Variants in KCNN2 observed in about 807,000 individuals in gnomAD.
KCNN2 encodes the protein small conductance calcium-activated potassium channel protein 2.
KCNN2 carries 24 observed loss-of-function variants against 55.5 expected under a neutral mutation model. The observed-to-expected ratio is 0.43, with a 90% CI of 0.31 to 0.61. KCNN2 has a LOEUF of 0.61. KCNN2 is among the 20% of genes least tolerant of loss of function. The probability of loss-of-function intolerance (pLI) is 0.08; values close to 1 mark genes in which losing one functional copy is unlikely to be tolerated. For synonymous variants in KCNN2, 431 were observed against 336.1 expected (o/e 1.28, Z -3.09); for missense variants, 754 against 853.6 (o/e 0.88, Z 1.45).
In KCNN2 at chr5:114,449,919, C is replaced by T. The variant is rs571632917; in HGVS notation, c.1638-13130C>T. ...ACACACACACACACACGCGCGCGCT[C>T]GCGTGCGCGCACTCTTCCCTTAGAA... is the stretch of plus-strand genomic sequence containing the variant. On this transcript the variant is annotated intron_variant, in intron 3 of 7. Transcript: ENST00000673685. Among the ~76,000 whole-genome samples, 876 of 150,684 alleles carry T rather than the reference C, an allele frequency of 5.8e-3. 5 individuals are homozygous for T. Among genetic ancestry groups the T allele is most frequent in the African/African-American group, 0.02 (837 of 41,100 alleles).
chr5:114,397,722 A>G (rs1043873065), intron 2 of KCNN2, among the ~76,000 whole-genome samples: 1 of 152,164 alleles, frequency 6.6e-6, no homozygotes, highest in Non-Finnish European at 1.5e-5. Flanking sequence ...AATAATAGCC[A>G]TTCTAACTGG....
At chr5:114,258,288 A>G (rs1755025153) in intron 2 of KCNN2, among the ~76,000 whole-genome samples, 1 of 152,102 alleles carries the variant, frequency 6.6e-6, no homozygotes, top group Non-Finnish European at 1.5e-5. Flanking sequence ...CTTCAGTGAT[A>G]TTACTCTGTA....
chr5:114,128,474 G>T (rs1217091961), intron 1 of KCNN2, among the ~76,000 whole-genome samples: 1 of 152,142 alleles, frequency 6.6e-6, no homozygotes, highest in East Asian at 1.9e-4. Context: ...CTAGTCTCTC[G>T]CATGACATGT....
intron 1 of KCNN2, among the ~76,000 whole-genome samples, chr5:114,120,951 T>C (rs1025862474): frequency 6.6e-6 from 1 of 152,238 alleles, no homozygotes; most frequent in Non-Finnish European, 1.5e-5. Flanking sequence ...CCCTTAGACC[T>C]GGGCAAATGG....
At chr5:114,348,163 C>A (rs190260490) in intron 2 of KCNN2, among the ~76,000 whole-genome samples, 130 of 151,842 alleles carry the variant, frequency 8.6e-4, no homozygotes, top group Non-Finnish European at 1.4e-3. Flanking sequence ...CCAAAAACCT[C>A]TACAAAAGGC....
chr5:114,404,056 ATT>A (rs1435675920), intron 2 of KCNN2, among the ~76,000 whole-genome samples: 1 of 152,212 alleles, frequency 6.6e-6, no homozygotes, highest in East Asian at 1.9e-4. Flanking sequence ...TATAGTTAGA[ATT>A]GTGTAAGGCT....
At chr5:114,366,402 C>T (rs1193755686) in intron 2 of KCNN2, among the ~76,000 whole-genome samples, 1 of 152,112 alleles carries the variant, frequency 6.6e-6, no homozygotes, top group African/African-American at 2.4e-5. Context: ...TGGGTCATGT[C>T]ATTTAATTAA....
intron 2 of KCNN2, among the ~76,000 whole-genome samples, chr5:114,371,819 A>T (rs1290431084): frequency 6.6e-6 from 1 of 152,166 alleles, no homozygotes; most frequent in East Asian, 1.9e-4. Flanking sequence ...CAAATGAGAA[A>T]GTCAGAAACA....
intron 1 of KCNN2, among the ~76,000 whole-genome samples, chr5:114,131,147 C>T (rs1299030194): frequency 6.6e-6 from 1 of 151,796 alleles, no homozygotes; most frequent in Non-Finnish European, 1.5e-5. Flanking sequence ...ATTTTAAGTT[C>T]TGGGGTACAT....
intron 2 of KCNN2, among the ~76,000 whole-genome samples, chr5:114,310,856 A>C (rs1180393481): frequency 6.6e-6 from 1 of 152,174 alleles, no homozygotes; most frequent in African/African-American, 2.4e-5. Context: ...TGTTTTTAAA[A>C]AGCAAAACTC....
chr5:114,487,037 GTTCTCTTAA>G lies in KCNN2; in HGVS notation c.1891-12_1891-4del, dbSNP rs1561415469. Reference sequence around the variant, plus strand: ...CTGGAATTTATCAACTGCTTTGTTTGTTCTCTTAACAGGTAAAAAATGCAGCTGCCAATG... The same window carrying G: ...CTGGAATTTATCAACTGCTTTGTTTGCAGGTAAAAAATGCAGCTGCCAATG... On this transcript the variant is annotated splice_polypyrimidine_tract_variant and splice_region_variant and intron_variant, in intron 5 of 7. Coordinates refer to ENST00000673685, the MANE Select transcript of KCNN2 (RefSeq NM_021614.4). 1 of 1,612,406 alleles carries G rather than the reference GTTCTCTTAA, an allele frequency of 6.2e-7. No individual in the cohort carries two copies. Among genetic ancestry groups the G allele is most frequent in the Admixed American group, 1.7e-5 (1 of 59,860 alleles).
chr5:114,489,429 T>A (rs1005026295), intron 6 of KCNN2, among the ~76,000 whole-genome samples: 4 of 152,142 alleles, frequency 2.6e-5, no homozygotes, highest in African/African-American at 9.7e-5. Flanking sequence ...CTTAGCATAT[T>A]GTGTTTGGAT....
intron 1 of KCNN2, among the ~76,000 whole-genome samples, chr5:114,080,634 C>A (rs1156603126): frequency 6.6e-6 from 1 of 152,002 alleles, no homozygotes; most frequent in Non-Finnish European, 1.5e-5. Context: ...CATTCAAAAC[C>A]ATTCCATGAT....
intron 2 of KCNN2, among the ~76,000 whole-genome samples, chr5:114,368,061 T>C (rs1303192913): frequency 2.0e-5 from 3 of 152,000 alleles, no homozygotes; most frequent in African/African-American, 4.8e-5. Flanking sequence ...ATTTTTTTTT[T>C]CCAGTAAATA....
intron 5 of KCNN2, among the ~76,000 whole-genome samples, chr5:114,483,119 T>G (rs1580912746): frequency 6.6e-6 from 1 of 152,056 alleles, no homozygotes; most frequent in African/African-American, 2.4e-5. Context: ...CTTAAAAATA[T>G]TTTGTATCTT....
chr5:114,279,495 G>C (rs7703636), intron 2 of KCNN2, among the ~76,000 whole-genome samples: 136,452 of 152,066 alleles, frequency 0.9, 61,623 homozygotes, highest in East Asian at 0.95. Context: ...GTTCCCCACC[G>C]TGTTTCCAAG....
chr5:114,377,496 G>T (rs917847598), intron 2 of KCNN2, among the ~76,000 whole-genome samples: 4 of 152,214 alleles, frequency 2.6e-5, no homozygotes, highest in African/African-American at 9.6e-5. Flanking sequence ...AAGAGCTGCT[G>T]CTTGAATGAA....
chr5:114,235,501 A>C (rs1011263906), intron 2 of KCNN2, among the ~76,000 whole-genome samples: 6 of 152,208 alleles, frequency 3.9e-5, no homozygotes, highest in Non-Finnish European at 7.3e-5. Flanking sequence ...ATAAATGGAA[A>C]GCCTACTGTA....
chr5:114,440,770 G>T (rs1246460556), intron 3 of KCNN2, among the ~76,000 whole-genome samples: 1 of 151,888 alleles, frequency 6.6e-6, no homozygotes, highest in Non-Finnish European at 1.5e-5. Context: ...AATAAAAATA[G>T]AATGTATAAC....
Sources: allele counts gnomAD v4.1 joint callset (sites outside exome capture counted in the v4.1 genomes callset), GRCh38; gene constraint gnomAD v4.1.1; transcripts MANE v1.5; gene names NCBI Gene and HGNC (gene_info 2026-07-23, HGNC 2026-07-21).